The following EXOC4 variants were observed in gnomAD, a reference collection of about 807,000 sequenced individuals.
The protein encoded by EXOC4 is exocyst complex component 4.
EXOC4 carries 71 observed loss-of-function variants against 107.2 expected under a neutral mutation model. The ratio of observed to expected loss-of-function variants is 0.66; its 90% CI spans 0.55 to 0.81. EXOC4 has a LOEUF of 0.81. Ranked by LOEUF, EXOC4 falls within the 30% of genes least tolerant of loss-of-function variation. The pLI is 0.00. For missense variants in EXOC4, 1,108 were observed against 1,189.6 expected, an observed-to-expected ratio of 0.93 and a Z score of 1.01; for synonymous variants, 456 against 441.2, an observed-to-expected ratio of 1.03 and a Z score of -0.42.
intron 5 of EXOC4, among the ~76,000 whole-genome samples, chr7:133,339,223 G>T (rs749637812): frequency 8.5e-5 from 13 of 152,052 alleles, no homozygotes; most frequent in African/African-American, 2.7e-4. Context: ...TGGCTGATTA[G>T]TATTCCATGG....
intron 3 of EXOC4, among the ~76,000 whole-genome samples, chr7:133,299,213 C>T (rs1238120841): frequency 1.3e-5 from 2 of 151,838 alleles, no homozygotes; most frequent in Non-Finnish European, 2.9e-5. Flanking sequence ...AAATGCCAAG[C>T]TTAAGAAAAA....
Position 133,689,547 on chromosome 7 carries a change from T to C in EXOC4, c.1514+59406T>C, listed in dbSNP as rs555152968. On this transcript the variant is annotated intron_variant, in intron 10 of 17. Coordinates refer to ENST00000253861, the MANE Select transcript of EXOC4 (RefSeq NM_021807.4). ...TGGCTAAACCAACTTGATAGGATTA[T>C]TGCTGAAGGCAGGCCAAGGTGGTAA... Among the ~76,000 whole-genome samples the C allele has an allele frequency of 1.6e-4, 24 of 152,318 alleles. No homozygotes were observed. In the South Asian group the frequency reaches 5.0e-3, roughly 32 times the overall value.
In EXOC4 at chr7:133,909,396, A is replaced by T. The variant is rs140490556; in HGVS notation, c.1872-8187A>T. On this transcript the variant is annotated intron_variant, in intron 12 of 17. Transcript: ENST00000253861. ...AGGTTCAAGTGAGGAGAGTAGGTTCAGGGAAGACGCCGCAGAGGACGTGGC... is the reference window on the plus strand; with the variant it reads ...AGGTTCAAGTGAGGAGAGTAGGTTCTGGGAAGACGCCGCAGAGGACGTGGC... Among the ~76,000 whole-genome samples, 13 of 152,334 alleles carry T rather than the reference A, an allele frequency of 8.5e-5. No individual in the cohort carries two copies. In the East Asian group the frequency reaches 2.5e-3, roughly 29 times the overall value.
rs541730491 is a variant in EXOC4, at chr7:133,521,400, A to G, written c.1417+41262A>G. Among the ~76,000 whole-genome samples, 5 of 152,310 alleles carry G rather than the reference A, an allele frequency of 3.3e-5. No homozygotes were observed. In the South Asian group the frequency reaches 1.0e-3, roughly 32 times the overall value. On this transcript the variant is annotated intron_variant, in intron 9 of 17. Coordinates refer to ENST00000253861, the MANE Select transcript of EXOC4 (RefSeq NM_021807.4). ...TACTTAAAAATACGTTCTTTTAAACAATAAAAGTGGCTCTATCTAAGGCTG... is the reference window on the plus strand; with the variant it reads ...TACTTAAAAATACGTTCTTTTAAACGATAAAAGTGGCTCTATCTAAGGCTG...
At chr7:133,796,374 AG>A (rs1399282846) in intron 10 of EXOC4, among the ~76,000 whole-genome samples, 3 of 152,214 alleles carry the variant, frequency 2.0e-5, no homozygotes, top group Non-Finnish European at 4.4e-5. Flanking sequence ...CTCCTGATCA[AG>A]GCTGCCCAGA....
At chr7:133,661,649 T>G (rs1793682105) in intron 10 of EXOC4, among the ~76,000 whole-genome samples, 2 of 136,720 alleles carry the variant, frequency 1.5e-5, no homozygotes, top group Non-Finnish European at 3.0e-5. Context: ...TCTTTACCTG[T>G]TAAATTCTCC....
rs142449527 is a variant in EXOC4 at position 134,062,248 on chromosome 7, C to A, written c.2688-2043C>A. On this transcript the variant is annotated intron_variant, in intron 17 of 17. Transcript: ENST00000253861. ...TATATTCACAAAAGATTATTCTCTC[C>A]CCTATTTTTAAAAGAGTGTGTTAGT... is the stretch of plus-strand genomic sequence containing the variant. 8.1e-3 allele frequency among the ~76,000 whole-genome samples: 1,231 copies of A among 152,250 alleles called. 19 individuals are homozygous for A. The highest frequency in any genetic ancestry group is 0.028 in the African/African-American group (1,146 of 41,538).
chr7:133,961,411 C>T (rs1018556355), intron 14 of EXOC4, among the ~76,000 whole-genome samples: 5 of 151,426 alleles, frequency 3.3e-5, no homozygotes, highest in African/African-American at 7.3e-5. Flanking sequence ...CTCAGCCTCC[C>T]GAGAAGCTGG....
intron 10 of EXOC4, among the ~76,000 whole-genome samples, chr7:133,714,203 C>T (rs1311146038): frequency 6.6e-6 from 1 of 152,168 alleles, no homozygotes; most frequent in Non-Finnish European, 1.5e-5. Flanking sequence ...ATGGACTAGG[C>T]AAGAGCCAAG....
chr7:133,591,559 TG>T (rs1801545017), intron 9 of EXOC4, among the ~76,000 whole-genome samples: 1 of 149,270 alleles, frequency 6.7e-6, no homozygotes, highest in South Asian at 2.1e-4. Flanking sequence ...TGTGTGTGTG[TG>T]TGTGTGTGCG....
At chr7:133,464,807 G>T (rs28631031) in intron 7 of EXOC4, among the ~76,000 whole-genome samples, 8,628 of 30,980 alleles carry the variant, frequency 0.28, 790 homozygotes, top group East Asian at 0.4. Flanking sequence ...TGTTGGTTGG[G>T]TTGGTTTTTT....
chr7:133,750,356 A>G (rs539261487), intron 10 of EXOC4, among the ~76,000 whole-genome samples: 1 of 152,156 alleles, frequency 6.6e-6, no homozygotes, highest in East Asian at 1.9e-4. Context: ...ATTGAACTCC[A>G]TTTCCTTAAT....
At chr7:133,646,188 G>A (rs1802987667) in intron 10 of EXOC4, among the ~76,000 whole-genome samples, 1 of 152,184 alleles carries the variant, frequency 6.6e-6, no homozygotes, top group South Asian at 2.1e-4. Flanking sequence ...CACAAAGGCT[G>A]TCAAAAATTT....
intron 15 of EXOC4, among the ~76,000 whole-genome samples, chr7:133,999,425 C>T (rs775121409): frequency 2.0e-5 from 3 of 152,154 alleles, no homozygotes; most frequent in African/African-American, 2.4e-5. Flanking sequence ...AGAGAAGTAA[C>T]ATTGCAGATT....
chr7:134,013,449 A>T (rs1257667000), intron 17 of EXOC4, among the ~76,000 whole-genome samples: 1 of 152,250 alleles, frequency 6.6e-6, no homozygotes, highest in East Asian at 1.9e-4. Flanking sequence ...CATGATGACT[A>T]AAATGTACTT....
rs145948701 is a variant in EXOC4 at position 133,808,467 on chromosome 7, A to G, written c.1515-8858A>G. Among the ~76,000 whole-genome samples, 3 of 152,310 alleles carry G rather than the reference A, an allele frequency of 2.0e-5. No homozygotes were observed. In the East Asian group the frequency reaches 5.8e-4, roughly 29 times the overall value. On this transcript the variant is annotated intron_variant, in intron 10 of 17. Transcript: ENST00000253861. ...ATACTAGTGAGTTGAATATATCTCA[A>G]ATCAATTCCTCTGAGGCTTCTTTCC...
intron 2 of EXOC4, 29 bp downstream of exon 2, chr7:133,275,200 C>G: frequency 1.3e-6 from 2 of 1,532,758 alleles, no homozygotes; most frequent in Admixed American, 1.8e-5. Flanking sequence ...CTGATGGTGG[C>G]AGCACTTCCC....
chr7:133,937,605 C>T (rs924911507), intron 13 of EXOC4, among the ~76,000 whole-genome samples: 1 of 152,184 alleles, frequency 6.6e-6, no homozygotes, highest in Non-Finnish European at 1.5e-5. Context: ...GCAGTATAGA[C>T]GCCATCCCCA....
intron 17 of EXOC4, among the ~76,000 whole-genome samples, chr7:134,041,220 GA>G (rs1289553757): frequency 2.0e-5 from 3 of 152,156 alleles, no homozygotes; most frequent in African/African-American, 7.2e-5. Context: ...TGCCTTGGTA[GA>G]TATTGAATTG....
Sources: gnomAD v4.1 joint callset for allele counts (sites outside exome capture counted in the v4.1 genomes callset) on GRCh38, gnomAD v4.1.1 for gene constraint, MANE v1.5 for transcripts, NCBI Gene and HGNC (gene_info 2026-07-23, HGNC 2026-07-21) for gene names.